Variants in IWS1 observed in about 807,000 individuals in gnomAD.
The protein encoded by IWS1 is interacts with SUPT6H, CTD assembly factor 1.
Under a neutral mutation model 86.7 loss-of-function variants are expected in IWS1, and 27 were observed. The observed-to-expected ratio is 0.31, with a 90% CI of 0.23 to 0.43. IWS1 has a LOEUF of 0.43. Among genes scored for constraint, IWS1 ranks in the 20% least tolerant of loss-of-function variants. The pLI, the probability that IWS1 is intolerant of heterozygous loss-of-function variation, is 1.00. For synonymous variants in IWS1, 313 were observed against 335.1 expected, an observed-to-expected ratio of 0.93 and a Z score of 0.72; for missense variants, 827 against 1,000.8, an observed-to-expected ratio of 0.83 and a Z score of 2.34.
intron 2 of IWS1, among the ~76,000 whole-genome samples, chr2:127,519,911 G>A (rs1485470567): frequency 1.3e-5 from 2 of 152,164 alleles, no homozygotes; most frequent in African/African-American, 2.4e-5. Context: ...ATGGAGGAAG[G>A]AGCCTCAGCC....
Position 127,505,103 on chromosome 2 carries a change from T to C in IWS1, c.800A>G (p.Glu267Gly). The change falls in exon 3 of 14, where the codon GAG (glutamate) becomes GGG (glycine). Residue 267 changes from glutamate (E) to glycine (G), a missense_variant. By Grantham distance (98) the Glu-to-Gly change is moderately conservative. Coordinates refer to ENST00000295321, the MANE Select transcript of IWS1 (RefSeq NM_017969.3). This position sits in a 1 kb window ranked among gnomAD's most constrained non-coding sequence, Gnocchi z 5.0. ...ATCACTGATTCGGGGTTTGGGAAGC[T>C]CTTCATTTTCTGAGTCACTGGCCTG... is the stretch of plus-strand genomic sequence containing the variant. ...RHQASDSENE[E>G]LPKPRISDSE... The C allele has an allele frequency of 6.2e-7, 1 of 1,610,696 alleles. No individual in the cohort carries two copies. The highest frequency in any genetic ancestry group is 8.5e-7 in the Non-Finnish European group (1 of 1,178,080).
At chr2:127,520,205 T>C (rs1026277212) in intron 2 of IWS1, among the ~76,000 whole-genome samples, 2 of 152,212 alleles carry the variant, frequency 1.3e-5, no homozygotes, top group Non-Finnish European at 2.9e-5. Context: ...AGTCTCGCTC[T>C]GTCGCCAGGC....
chr2:127,483,600 T>TGGGGGG (rs1558736829), intron 13 of IWS1, among the ~76,000 whole-genome samples: 3 of 5,878 alleles, frequency 5.1e-4, no homozygotes, highest in Admixed American at 2.8e-3. Flanking sequence ...GTGGGGGGGT[T>TGGGGGG]GGGCTGTGTG....
chr2:127,484,996 CAAAAAGAAAAAG>C (rs55917794), intron 13 of IWS1, among the ~76,000 whole-genome samples: 37 of 148,870 alleles, frequency 2.5e-4, no homozygotes, highest in East Asian at 8.0e-4. Flanking sequence ...GACTCCGTCT[CAAAAAGAAAAAG>C]AAAAAGAAAA....
rs2104756781 is a variant in IWS1 at position 127,526,359 on chromosome 2, A to G, written c.-151T>C. 6.5e-7 allele frequency: 1 copy of G among 1,537,122 alleles called. No individual in the cohort carries two copies. The highest frequency in any genetic ancestry group is 1.2e-5 in the South Asian group (1 of 83,548). On this transcript the variant is annotated 5_prime_UTR_variant, in exon 1 of 14. Coordinates refer to ENST00000295321, the MANE Select transcript of IWS1 (RefSeq NM_017969.3). ...CGGGTGCGGAGGGTAAGAAAGCGGT[A>G]GCGGCAAAGGCGAATTCTTTGACCT...
At chr2:127,526,150 C>A in intron 1 of IWS1, 25 bp downstream of exon 1, 1 of 1,590,482 alleles carries the variant, frequency 6.3e-7, no homozygotes, top group Non-Finnish European at 8.6e-7. Context: ...GCCTCCCAGC[C>A]CGGTCCCCCA....
rs748156076 is a variant in IWS1 at position 127,505,083 on chromosome 2, T to C, written c.820A>G (p.Ser274Gly). The C allele has an allele frequency of 1.2e-6, 2 of 1,611,990 alleles. No homozygotes were observed. Among genetic ancestry groups the C allele is most frequent in the Admixed American group, 1.7e-5 (1 of 59,418 alleles). ...ENEELPKPRI[S>G]DSESEDPPRN... ...GGGGGATCCTCACTTTCCGAATCAC[T>C]GATTCGGGGTTTGGGAAGCTCTTCA... The change falls in exon 3 of 14, where the codon AGT becomes GGT. Residue 274 changes from serine to glycine, a missense_variant. Around this residue, in one of 2 missense-constraint regions of IWS1, gnomAD observed 548 missense variants for 560.2 expected, o/e 0.98. Transcript: ENST00000295321. This position sits in a 1 kb window ranked among gnomAD's most constrained non-coding sequence, Gnocchi z 5.0.
intron 2 of IWS1, among the ~76,000 whole-genome samples, chr2:127,506,223 C>T (rs993203064): frequency 6.6e-6 from 1 of 152,040 alleles, no homozygotes; most frequent in Non-Finnish European, 1.5e-5. Context: ...CAAAAATTAG[C>T]TGGGCGTGGT....
intron 12 of IWS1, 76 bp from the exon 13 acceptor site, chr2:127,486,740 T>C: frequency 9.3e-7 from 1 of 1,072,670 alleles, no homozygotes; most frequent in Non-Finnish European, 1.4e-6. Flanking sequence ...TTCACACTCC[T>C]GTTCCTACAT....
intron 4 of IWS1, among the ~76,000 whole-genome samples, chr2:127,503,084 G>A (rs1690904959): frequency 6.6e-6 from 1 of 152,046 alleles, no homozygotes; most frequent in Non-Finnish European, 1.5e-5. Flanking sequence ...CCTTCTAGCT[G>A]GTCCCCAATA....
intron 2 of IWS1, among the ~76,000 whole-genome samples, chr2:127,510,727 T>TC (rs972541275): frequency 2.4e-4 from 36 of 152,134 alleles, no homozygotes; most frequent in African/African-American, 8.4e-4. Context: ...CCTCAAGTGA[T>TC]CCTTCCGCCT....
In IWS1 at chr2:127,489,810, ACTCATACCTGTTCC is replaced by A. The variant is rs769030564; in HGVS notation, c.2159+8_2159+21del. The stretch of plus-strand genomic sequence containing the variant: ...TGCAACAATAACGTGTATTCCACTT[ACTCATACCTGTTCC>A]CTCATACCTGTTCATTCTTCGTCGT... On this transcript the variant is annotated splice_region_variant and intron_variant, in intron 11 of 13. Transcript: ENST00000295321. The surrounding 1 kb of genome is among the most constrained non-coding windows in gnomAD (Gnocchi z 4.8). 5.1e-4 allele frequency: 649 copies of A among 1,273,466 alleles called. 3 individuals are homozygous for A. The highest frequency in any genetic ancestry group is 5.4e-5 in the Non-Finnish European group (47 of 869,670). The allele number at this position is 1,273,466 out of a possible 1,614,324, so 78.9% of individuals were successfully genotyped here. A position where few individuals can be genotyped will look rare whatever the true frequency, so the allele number is the denominator to read the frequency against.
rs1453561990 is a variant in IWS1 at position 127,486,642 on chromosome 2, C to T, written c.2239G>A (p.Gly747Arg). The T allele has an allele frequency of 4.3e-6, 7 of 1,613,908 alleles. No homozygotes were observed. Among genetic ancestry groups the T allele is most frequent in the Non-Finnish European group, 5.9e-6 (7 of 1,179,922 alleles). ...EEKALRPGDP[G>R]FCARARVPMP... is the part of the protein sequence containing the mutation. ...GGGACCCTTGCACGGGCACAGAATC[C>T]AGGATCTCCAGGTCTAAGAGCCCTG... Residue 747 changes from glycine (G) to arginine (R), a missense_variant, in exon 13 of 14, where the codon GGA becomes AGA. Physicochemically the swap from Gly to Arg is moderately radical, Grantham distance 125 (BLOSUM62 -2). Transcript: ENST00000295321.
chr2:127,523,507 C>A (rs1209449156), intron 2 of IWS1, among the ~76,000 whole-genome samples, 169 bp downstream of exon 2: 2 of 152,332 alleles, frequency 1.3e-5, no homozygotes, highest in Middle Eastern at 6.8e-3. Flanking sequence ...TCAACAGTAA[C>A]CAGACCATCC....
At position 127,505,822 on chromosome 2, in the gene IWS1, ATT is replaced by A. The variant is rs1286668930; in HGVS notation, c.151-72_151-71del. 9.4e-7 allele frequency: 1 copy of A among 1,060,710 alleles called. No homozygotes were observed. Among genetic ancestry groups the A allele is most frequent in the Non-Finnish European group, 1.3e-6 (1 of 750,424 alleles). The allele number at this position is 1,060,710 out of a possible 1,614,324, so 65.7% of individuals were successfully genotyped here. A position where few individuals can be genotyped will look rare whatever the true frequency, so the allele number is the denominator to read the frequency against. ...AAAACCATTAATAATAAAACATTAA[ATT>A]TTTTCTGTGATTTTTTTAAAATACA... is the stretch of plus-strand genomic sequence containing the variant. On this transcript the variant is annotated intron_variant, in intron 2 of 13. Coordinates refer to ENST00000295321, the MANE Select transcript of IWS1 (RefSeq NM_017969.3). This position sits in a 1 kb window ranked among gnomAD's most constrained non-coding sequence, Gnocchi z 5.0.
intron 8 of IWS1, among the ~76,000 whole-genome samples, chr2:127,494,238 C>T (rs374481103): frequency 2.1e-5 from 2 of 96,900 alleles, no homozygotes; most frequent in African/African-American, 8.4e-5. Flanking sequence ...GAGATCCTGT[C>T]TCTAATTAAA....
intron 13 of IWS1, among the ~76,000 whole-genome samples, chr2:127,483,575 GC>G (rs200969196): frequency 0.04 from 1,829 of 45,898 alleles, 457 homozygotes; most frequent in African/African-American, 0.13. Context: ...TTTGGTCGGG[GC>G]GGGGGGTGGT....
At chr2:127,506,034 G>C (rs927283227) in intron 2 of IWS1, among the ~76,000 whole-genome samples, 6 of 152,186 alleles carry the variant, frequency 3.9e-5, no homozygotes, top group African/African-American at 9.6e-5. Context: ...TGAAGAGCTA[G>C]ATTTTTTCTT....
chr2:127,508,035 CA>C (rs1179757273), intron 2 of IWS1, among the ~76,000 whole-genome samples: 6 of 152,196 alleles, frequency 3.9e-5, no homozygotes, highest in African/African-American at 1.4e-4. Flanking sequence ...ATTCTAAATC[CA>C]AAACACTTCT....
Sources: allele counts gnomAD v4.1 joint callset (sites outside exome capture counted in the v4.1 genomes callset), GRCh38; gene constraint gnomAD v4.1.1; regional missense constraint gnomAD v4.1.1; non-coding constraint Gnocchi (gnomAD v3.1); transcripts MANE v1.5; gene names NCBI Gene and HGNC (gene_info 2026-07-23, HGNC 2026-07-21).